MIA2: variants seen among roughly 807,000 people sequenced by gnomAD.
The protein encoded by MIA2 is MIA SH3 domain ER export factor 2.
A neutral mutation model predicts 167.8 loss-of-function variants in MIA2; 127 were observed. The observed-to-expected ratio is 0.76, with a 90% CI of 0.66 to 0.88. MIA2 has a LOEUF of 0.88. Among genes scored for constraint, MIA2 ranks in the 40% least tolerant of loss-of-function variants. The pLI is 0.00. For missense variants in MIA2, 1,690 were observed against 1,624.7 expected, an observed-to-expected ratio of 1.04 and a Z score of -0.69; for synonymous variants, 552 against 541.9, an observed-to-expected ratio of 1.02 and a Z score of -0.26.
At chr14:39,301,535 G>A (rs1221705105) in intron 14 of MIA2, among the ~76,000 whole-genome samples, 3 of 152,164 alleles carry the variant, frequency 2.0e-5, no homozygotes, top group Non-Finnish European at 2.9e-5. Flanking sequence ...GGTGAAAATT[G>A]TAGATCAGTG....
At chr14:39,311,460 GTGTTGCT>G (rs2064224368) in intron 18 of MIA2, among the ~76,000 whole-genome samples, 1 of 106,284 alleles carries the variant, frequency 9.4e-6, no homozygotes, top group African/African-American at 3.5e-5. Flanking sequence ...GAAGCTTGAT[GTGTTGCT>G]TTTTTTTTTT....
intron 23 of MIA2, among the ~76,000 whole-genome samples, chr14:39,368,854 A>C (rs906113646): frequency 6.6e-6 from 1 of 151,954 alleles, no homozygotes. Flanking sequence ...CTTTAGTTCA[A>C]ACTTTGTTTC....
At chr14:39,253,038 C>A in intron 5 of MIA2, 33 bp from the exon 6 acceptor site, 3 of 1,560,338 alleles carry the variant, frequency 1.9e-6, no homozygotes, top group Non-Finnish European at 2.6e-6. Flanking sequence ...TATATAATAT[C>A]ATGCTAACAT....
intron 7 of MIA2, among the ~76,000 whole-genome samples, chr14:39,278,501 T>C (rs2058487048): frequency 6.6e-6 from 1 of 152,228 alleles, no homozygotes; most frequent in East Asian, 1.9e-4. Flanking sequence ...TGTAGATGAT[T>C]GAAGTCCTCA....
At chr14:39,383,374 C>G (rs909528954) in intron 23 of MIA2, among the ~76,000 whole-genome samples, 4 of 152,080 alleles carry the variant, frequency 2.6e-5, no homozygotes. Flanking sequence ...TTTTGGTGTA[C>G]CACAAACCAC....
intron 25 of MIA2, among the ~76,000 whole-genome samples, chr14:39,344,925 A>T: frequency 6.6e-6 from 1 of 152,152 alleles, no homozygotes; most frequent in Admixed American, 6.6e-5. Context: ...GTCATCATAA[A>T]TCACCCCTGG....
chr14:39,319,197 C>T lies in MIA2; in HGVS notation c.3285-12C>T. On this transcript the variant is annotated splice_polypyrimidine_tract_variant and intron_variant, in intron 22 of 28. Transcript: ENST00000640607. ...GATGAGTAACTTAGAGATGTTTGTT[C>T]TTTATTTGCAGATTAACTGAAACAG... 1.4e-6 allele frequency: 2 copies of T among 1,478,102 alleles called. No individual in the cohort carries two copies. Among genetic ancestry groups the T allele is most frequent in the Middle Eastern group, 1.8e-4 (1 of 5,524 alleles). The allele number at this position is 1,478,102 out of a possible 1,614,324, so 91.6% of individuals were successfully genotyped here.
intron 2 of MIA2, among the ~76,000 whole-genome samples, chr14:39,240,172 T>C (rs2053975094): frequency 6.6e-6 from 1 of 152,206 alleles, no homozygotes; most frequent in Admixed American, 6.5e-5. Context: ...AAACATTGAA[T>C]ATGTCACTAC....
intron 4 of MIA2, among the ~76,000 whole-genome samples, chr14:39,249,931 C>G (rs1441716010): frequency 6.6e-6 from 1 of 152,168 alleles, no homozygotes; most frequent in Admixed American, 6.5e-5. Context: ...TGTGAGCTCT[C>G]TACTCAACAT....
At chr14:39,316,205 A>G (rs1387925967) in intron 21 of MIA2, among the ~76,000 whole-genome samples, 1 of 152,236 alleles carries the variant, frequency 6.6e-6, no homozygotes, top group African/African-American at 2.4e-5. Flanking sequence ...GAAATAGTGT[A>G]TTTGTGCTCC....
rs116574871 is a variant in MIA2 at position 39,321,223 on chromosome 14, T to G, written c.3496+167T>G. Reference sequence around the variant, plus strand: ...AAAGGAGCTCTATGACATCTAATTTTGATGTATTTTTCTCTTAGAAACCGT... The same window carrying G: ...AAAGGAGCTCTATGACATCTAATTTGGATGTATTTTTCTCTTAGAAACCGT... On this transcript the variant is annotated intron_variant, in intron 24 of 28. Coordinates refer to ENST00000640607, the MANE Select transcript of MIA2 (RefSeq NM_001329214.4). Among the ~76,000 whole-genome samples the G allele has an allele frequency of 9.1e-3, 1,379 of 152,330 alleles. 23 individuals carry two copies. The highest frequency in any genetic ancestry group is 0.032 in the African/African-American group (1,315 of 41,572).
rs138607584 is a variant in MIA2 at position 39,271,136 on chromosome 14, T to G, written c.1888-5798T>G. Among the ~76,000 whole-genome samples, 182 of 152,342 alleles carry G rather than the reference T, an allele frequency of 1.2e-3. 1 individual carries two copies. Among genetic ancestry groups the G allele is most frequent in the African/African-American group, 4.2e-3 (175 of 41,572 alleles). On this transcript the variant is annotated intron_variant, in intron 6 of 28. Coordinates refer to ENST00000640607, the MANE Select transcript of MIA2 (RefSeq NM_001329214.4). ...CACTTTGAGTGATTTTGTTTCCATA[T>G]ATGTTATGAAGAATGGGTCTAGATT...
intron 23 of MIA2, among the ~76,000 whole-genome samples, chr14:39,361,057 G>T (rs1417516936): frequency 3.3e-5 from 5 of 152,264 alleles, no homozygotes; most frequent in African/African-American, 1.2e-4. Context: ...CTATAGCCTT[G>T]TAATATATTT....
chr14:39,314,362 G>T lies in MIA2; in HGVS notation c.3120-377G>T, dbSNP rs565953540. On this transcript the variant is annotated intron_variant, in intron 19 of 28. Transcript: ENST00000640607. The stretch of plus-strand genomic sequence containing the variant: ...AGATTACGCCACTGCACTGCATACT[G>T]GGCAACAAGAGCGACACTCTGTTTA... Among the ~76,000 whole-genome samples, 20 of 147,278 alleles carry T rather than the reference G, an allele frequency of 1.4e-4. No homozygotes were observed. The South Asian group carries it at 4.4e-3, about 33-fold the overall frequency.
At chr14:39,252,398 A>G (rs1224216291) in intron 4 of MIA2, among the ~76,000 whole-genome samples, 1 of 152,176 alleles carries the variant, frequency 6.6e-6, no homozygotes, top group Non-Finnish European at 1.5e-5. Context: ...GAGTCAAGGA[A>G]TGCAGGAGGC....
chr14:39,285,329 G>A (rs2059470268), intron 9 of MIA2, among the ~76,000 whole-genome samples: 1 of 151,962 alleles, frequency 6.6e-6, no homozygotes, highest in Non-Finnish European at 1.5e-5. Flanking sequence ...AGGGGCAGCC[G>A]GGCAGAGGCG....
chr14:39,244,623 G>A (rs926043689), intron 3 of MIA2, among the ~76,000 whole-genome samples: 8 of 151,974 alleles, frequency 5.3e-5, no homozygotes, highest in African/African-American at 1.7e-4. Context: ...ATATCCAAAG[G>A]CAGCACACAT....
At chr14:39,254,481 G>A (rs1485446953) in intron 6 of MIA2, among the ~76,000 whole-genome samples, 2 of 152,194 alleles carry the variant, frequency 1.3e-5, no homozygotes, top group Admixed American at 6.5e-5. Context: ...GAGGCAGGGA[G>A]TCCAGTCAAG....
At chr14:39,354,993 G>A (rs368955512), downstream of MIA2, among the ~76,000 whole-genome samples, 12 of 152,044 alleles carry the variant, frequency 7.9e-5, 1 homozygote, top group South Asian at 4.1e-4. Flanking sequence ...GTCAGGTAGC[G>A]TGATGCCTCC....
Sources: gnomAD v4.1 joint callset for allele counts (sites outside exome capture counted in the v4.1 genomes callset) on GRCh38, gnomAD v4.1.1 for gene constraint, MANE v1.5 for transcripts, NCBI Gene and HGNC (gene_info 2026-07-23, HGNC 2026-07-21) for gene names.